MYOF: variants seen among roughly 807,000 people sequenced by gnomAD.
MYOF encodes the protein fer-1-like 3, myoferlin.
MYOF carries 244 observed loss-of-function variants against 284.2 expected under a neutral mutation model. That is an observed-to-expected ratio of 0.86 (90% CI 0.77 to 0.95). The LOEUF (loss-of-function observed/expected upper bound fraction) is 0.95, where lower values mean the gene tolerates loss of function less well. Ranked by LOEUF, MYOF falls within the 40% of genes least tolerant of loss-of-function variation. The pLI, the probability that MYOF is intolerant of heterozygous loss-of-function variation, is 0.00. For missense variants in MYOF, 2,496 were observed against 2,560.6 expected, an observed-to-expected ratio of 0.97 and a Z score of 0.54; for synonymous variants, 904 against 919.7, an observed-to-expected ratio of 0.98 and a Z score of 0.31.
At chr10:93,355,848 T>A in intron 30 of MYOF, 112 bp from the exon 31 acceptor site, 1 of 760,926 alleles carries the variant, frequency 1.3e-6, no homozygotes, top group East Asian at 2.5e-5. Context: ...TTTTTAAAGA[T>A]GTTATCGTGC....
At chr10:93,319,140 A>G (rs989614160) in intron 49 of MYOF, among the ~76,000 whole-genome samples, 6 of 152,180 alleles carry the variant, frequency 3.9e-5, no homozygotes, top group Admixed American at 2.0e-4. Context: ...TTGAGGCCCA[A>G]TTACAGAACT....
Position 93,449,405 on chromosome 10 carries a change from CAGAAAGA to C in MYOF, c.236+2638_236+2644del, listed in dbSNP as rs1171215969. Reference sequence around the variant, plus strand: ...AGAATATAAACAGTGGTACCATTTGCAGAAAGAAGAAAGCAAAGAAGAGGAGGGCCTA... The same window carrying C: ...AGAATATAAACAGTGGTACCATTTGCAGAAAGCAAAGAAGAGGAGGGCCTA... On this transcript the variant is annotated intron_variant, in intron 3 of 53. Coordinates refer to ENST00000359263, the MANE Select transcript of MYOF (RefSeq NM_013451.4). Among the ~76,000 whole-genome samples, 4 of 152,234 alleles carry C rather than the reference CAGAAAGA, an allele frequency of 2.6e-5. No individual in the cohort carries two copies. In the East Asian group the frequency reaches 7.7e-4, roughly 29 times the overall value.
intron 3 of MYOF, among the ~76,000 whole-genome samples, chr10:93,439,171 G>T (rs2056169161): frequency 6.6e-6 from 1 of 150,602 alleles, no homozygotes; most frequent in Non-Finnish European, 1.5e-5. Context: ...TGGCCACTAT[G>T]GTATCACTGT....
chr10:93,353,812 T>C lies in MYOF; in HGVS notation c.3480A>G (p.Ser1160=), dbSNP rs1182543840. ...GCATGTAGATTTTTTTTCCTTTACCTGAAAAGCTATCCTTATCTAAAGCCA... is the reference window on the plus strand; with the variant it reads ...GCATGTAGATTTTTTTTCCTTTACCCGAAAAGCTATCCTTATCTAAAGCCA... ...NLLALDKDSF[S]DPYAHICFLH... The change falls in exon 32 of 54, where the codon TCA becomes TCG. Residue 1160 remains serine (S), a splice_region_variant and synonymous_variant. Transcript: ENST00000359263. The C allele has an allele frequency of 1.9e-6, 3 of 1,606,284 alleles. No homozygotes were observed. The highest frequency in any genetic ancestry group is 2.6e-6 in the Non-Finnish European group (3 of 1,175,360).
At chr10:93,469,978 C>T (rs1401096307) in intron 1 of MYOF, among the ~76,000 whole-genome samples, 2 of 152,006 alleles carry the variant, frequency 1.3e-5, no homozygotes, top group East Asian at 1.9e-4. Context: ...CTTGTAATCC[C>T]AGCACTTTGG....
rs11813666 is a variant in MYOF, at chr10:93,369,798, G to C, written c.2458-22C>G. The C allele has an allele frequency of 3.7e-3, 6,048 of 1,613,856 alleles. 203 individuals are homozygous for C. The African/African-American group carries it at 0.069, about 18-fold the overall frequency. On this transcript the variant is annotated intron_variant, in intron 24 of 53. Transcript: ENST00000359263. The stretch of plus-strand genomic sequence containing the variant: ...GATACTGTGAGATGAACAATAGCAT[G>C]TGATGTTACATTAGGCACAGCAAAG...
intron 1 of MYOF, 59 bp from the exon 2 acceptor site, chr10:93,456,996 G>A: frequency 7.7e-7 from 1 of 1,291,690 alleles, no homozygotes; most frequent in Admixed American, 1.9e-5. Context: ...AAGAGCGTGG[G>A]CCATTCATTT....
chr10:93,439,932 G>C (rs546623848), intron 3 of MYOF, among the ~76,000 whole-genome samples: 1 of 152,268 alleles, frequency 6.6e-6, no homozygotes, highest in South Asian at 2.1e-4. Flanking sequence ...CTTAAAACCA[G>C]TTCTTTATCT....
At chr10:93,323,486 G>C in intron 46 of MYOF, 128 bp from the exon 47 acceptor site, 1 of 840,676 alleles carries the variant, frequency 1.2e-6, no homozygotes, top group Non-Finnish European at 1.8e-6. Flanking sequence ...AGTCCACATG[G>C]AAGGCAAGAA....
chr10:93,375,144 C>T (rs1051384680), intron 22 of MYOF, among the ~76,000 whole-genome samples, 189 bp from the exon 23 acceptor site: 48 of 152,304 alleles, frequency 3.2e-4, no homozygotes, highest in Middle Eastern at 3.4e-3. Context: ...GCAGACCTGC[C>T]GGTCTCTTGA....
At chr10:93,327,492 A>G (rs1843104087) in intron 45 of MYOF, among the ~76,000 whole-genome samples, 3 of 152,086 alleles carry the variant, frequency 2.0e-5, no homozygotes, top group Admixed American at 2.0e-4. Context: ...TGACCCCGCA[A>G]AACTGTGAGG....
chr10:93,434,911 G>GA (rs1262143611), intron 3 of MYOF, among the ~76,000 whole-genome samples: 2 of 152,050 alleles, frequency 1.3e-5, no homozygotes, highest in Non-Finnish European at 2.9e-5. Flanking sequence ...CAAACAAGGT[G>GA]AAAGCCCCGA....
At chr10:93,448,935 C>T (rs996729928) in intron 3 of MYOF, among the ~76,000 whole-genome samples, 1 of 152,064 alleles carries the variant, frequency 6.6e-6, no homozygotes, top group Non-Finnish European at 1.5e-5. Flanking sequence ...GCAGAGGTTG[C>T]AGTGAGCCAA....
chr10:93,452,726 A>C (rs537798177), intron 2 of MYOF, among the ~76,000 whole-genome samples: 1 of 152,146 alleles, frequency 6.6e-6, no homozygotes, highest in Non-Finnish European at 1.5e-5. Flanking sequence ...TAAAAAAATT[A>C]AAAAAGAATA....
At chr10:93,449,624 A>G (rs1054801298) in intron 3 of MYOF, among the ~76,000 whole-genome samples, 20 of 152,112 alleles carry the variant, frequency 1.3e-4, no homozygotes, top group Non-Finnish European at 4.4e-5. Context: ...AGTGCAAGAG[A>G]GTGGGACCAG....
chr10:93,445,258 T>G (rs906384113), intron 3 of MYOF, among the ~76,000 whole-genome samples: 4 of 152,222 alleles, frequency 2.6e-5, no homozygotes, highest in Non-Finnish European at 4.4e-5. Flanking sequence ...ACACACCTGC[T>G]GTGTGACCTT....
chr10:93,346,307 C>A (rs787699), intron 37 of MYOF, among the ~76,000 whole-genome samples: 103,174 of 152,186 alleles, frequency 0.68, 35,952 homozygotes, highest in East Asian at 0.97. Flanking sequence ...AATCAGTACT[C>A]ACACTTATGA....
intron 16 of MYOF, among the ~76,000 whole-genome samples, chr10:93,394,150 G>A (rs145248767): frequency 4.5e-4 from 68 of 152,252 alleles, no homozygotes; most frequent in Non-Finnish European, 9.1e-4. Flanking sequence ...TGTCCAGGCT[G>A]GAGTGTAATG....
At chr10:93,470,004 A>G (rs1397857722) in intron 1 of MYOF, among the ~76,000 whole-genome samples, 4 of 152,054 alleles carry the variant, frequency 2.6e-5, no homozygotes, top group Non-Finnish European at 5.9e-5. Context: ...CAAGGCGGGC[A>G]GATCGCCTGA....
Sources: allele counts gnomAD v4.1 joint callset (sites outside exome capture counted in the v4.1 genomes callset), GRCh38; gene constraint gnomAD v4.1.1; transcripts MANE v1.5; gene names NCBI Gene and HGNC (gene_info 2026-07-23, HGNC 2026-07-21).